The following SGMS1 variants were observed in gnomAD, a reference collection of about 807,000 sequenced individuals.
SGMS1 encodes phosphatidylcholine:ceramide cholinephosphotransferase 1.
A neutral mutation model predicts 46.2 loss-of-function variants in SGMS1; 13 were observed. The observed-to-expected ratio is 0.28, with a 90% CI of 0.18 to 0.45. The LOEUF (loss-of-function observed/expected upper bound fraction) is 0.45, where lower values mean the gene tolerates loss of function less well. Ranked by LOEUF, SGMS1 falls within the 20% of genes least tolerant of loss-of-function variation. The pLI is 1.00. For missense variants in SGMS1, 324 were observed against 519.9 expected (o/e 0.62, Z 3.66); for synonymous variants, 203 against 187.8 (o/e 1.08, Z -0.66).
intron 6 of SGMS1, among the ~76,000 whole-genome samples, chr10:50,350,494 T>C (rs757358777): frequency 6.6e-6 from 1 of 152,210 alleles, no homozygotes; most frequent in Non-Finnish European, 1.5e-5. Context: ...CTCCAGGGCA[T>C]GTCAGAAGTT....
intron 3 of SGMS1, among the ~76,000 whole-genome samples, chr10:50,517,042 T>C (rs1193882751): frequency 1.3e-5 from 2 of 152,154 alleles, no homozygotes; most frequent in Non-Finnish European, 2.9e-5. Flanking sequence ...AGCCCAGCTT[T>C]AAACCAAAGG....
intron 5 of SGMS1, among the ~76,000 whole-genome samples, chr10:50,443,015 A>C (rs933688785): frequency 2.6e-5 from 4 of 152,206 alleles, no homozygotes; most frequent in African/African-American, 9.6e-5. Context: ...TGGTTTCCTT[A>C]GTGTTCTATG....
chr10:50,327,118 A>C (rs1847544475), intron 8 of SGMS1, 87 bp downstream of exon 8: 4 of 763,132 alleles, frequency 5.2e-6, no homozygotes, highest in Admixed American at 4.2e-5. Flanking sequence ...TATTCTGAAG[A>C]AACGTTTTCC....
At chr10:50,621,853 A>G (rs897813922) in intron 1 of SGMS1, among the ~76,000 whole-genome samples, 2 of 152,252 alleles carry the variant, frequency 1.3e-5, no homozygotes, top group African/African-American at 4.8e-5. Flanking sequence ...AACTACTTAA[A>G]ACTGCATGGC....
At chr10:50,574,963 G>GTGTATATATATA (rs1554793448) in intron 2 of SGMS1, among the ~76,000 whole-genome samples, 6 of 99,862 alleles carry the variant, frequency 6.0e-5, no homozygotes, top group African/African-American at 1.2e-4. Flanking sequence ...AAAATGTGGT[G>GTGTATATATATA]TATATATATA....
At chr10:50,523,185 A>C (rs778020711) in intron 2 of SGMS1, among the ~76,000 whole-genome samples, 6 of 152,162 alleles carry the variant, frequency 3.9e-5, no homozygotes, top group Non-Finnish European at 7.4e-5. Flanking sequence ...TGTTTACCTT[A>C]GGAGGCAAGA....
At chr10:50,508,455 CTCTTGGTATGACAGTGAA>C (rs1306560832) in intron 3 of SGMS1, among the ~76,000 whole-genome samples, 1 of 152,174 alleles carries the variant, frequency 6.6e-6, no homozygotes, top group African/African-American at 2.4e-5. Flanking sequence ...GTTAACATCT[CTCTTGGTATGACAGTGAA>C]ATATCAAGTG....
chr10:50,445,892 AG>A (rs1240063347), intron 5 of SGMS1, among the ~76,000 whole-genome samples: 1 of 152,182 alleles, frequency 6.6e-6, no homozygotes, highest in African/African-American at 2.4e-5. Context: ...TTTCTCAGCA[AG>A]GAACACCCCT....
At position 50,562,727 on chromosome 10, in the gene SGMS1, C is replaced by A. The variant is rs373826061; in HGVS notation, c.-589+27426G>T. Among the ~76,000 whole-genome samples, 6 of 152,176 alleles carry A rather than the reference C, an allele frequency of 3.9e-5. No individual in the cohort carries two copies. The East Asian group carries it at 9.7e-4, about 25-fold the overall frequency. On this transcript the variant is annotated intron_variant, in intron 2 of 10. Transcript: ENST00000361781. The stretch of plus-strand genomic sequence containing the variant: ...CCCGGCTAATTTTTTTGTATTTTTA[C>A]TAGAGACGGGGTTTCACCATGTTAT...
At chr10:50,532,440 T>C (rs954398779) in intron 2 of SGMS1, among the ~76,000 whole-genome samples, 1 of 152,206 alleles carries the variant, frequency 6.6e-6, no homozygotes, top group African/African-American at 2.4e-5. Context: ...CATATCCATC[T>C]CAATTTTTAA....
intron 6 of SGMS1, among the ~76,000 whole-genome samples, chr10:50,412,923 A>G (rs1849121140): frequency 6.6e-6 from 1 of 152,232 alleles, no homozygotes; most frequent in Non-Finnish European, 1.5e-5. Context: ...CTACAAGGCC[A>G]AAGTGATATC....
At chr10:50,354,799 C>A (rs917629802) in intron 6 of SGMS1, among the ~76,000 whole-genome samples, 21 of 152,212 alleles carry the variant, frequency 1.4e-4, no homozygotes, top group Admixed American at 1.0e-3. Context: ...ACAGACACTT[C>A]TCAAAAGAAG....
At chr10:50,364,429 C>T (rs577985227) in intron 6 of SGMS1, among the ~76,000 whole-genome samples, 2 of 152,280 alleles carry the variant, frequency 1.3e-5, no homozygotes, top group South Asian at 4.1e-4. Flanking sequence ...CCAGCCCCAT[C>T]CTGCTTTTCA....
intron 5 of SGMS1, among the ~76,000 whole-genome samples, chr10:50,458,611 A>G (rs890802177): frequency 2.0e-5 from 3 of 151,980 alleles, no homozygotes; most frequent in Admixed American, 6.5e-5. Flanking sequence ...TGCCCGTCTC[A>G]GCCTCCCAAA....
At chr10:50,333,306 A>G (rs1847656781) in intron 7 of SGMS1, among the ~76,000 whole-genome samples, 1 of 152,130 alleles carries the variant, frequency 6.6e-6, no homozygotes, top group African/African-American at 2.4e-5. Flanking sequence ...CTAGAGCTTT[A>G]ATTCTTATTC....
At chr10:50,567,267 T>C (rs1838296971) in intron 2 of SGMS1, among the ~76,000 whole-genome samples, 1 of 152,152 alleles carries the variant, frequency 6.6e-6, no homozygotes, top group Non-Finnish European at 1.5e-5. Flanking sequence ...TTTATTGTGG[T>C]ATTGCTATCT....
chr10:50,365,301 T>C (rs992509988), intron 6 of SGMS1, among the ~76,000 whole-genome samples: 1 of 129,734 alleles, frequency 7.7e-6, no homozygotes, highest in African/African-American at 2.6e-5. Context: ...AAGTATGTTT[T>C]TGGTTTTTAA....
intron 2 of SGMS1, among the ~76,000 whole-genome samples, chr10:50,574,404 C>T (rs555841546): frequency 1.3e-5 from 2 of 152,272 alleles, no homozygotes; most frequent in Non-Finnish European, 2.9e-5. Flanking sequence ...CTCAACATCA[C>T]TAATCATCAG....
intron 6 of SGMS1, among the ~76,000 whole-genome samples, chr10:50,419,694 A>T (rs112792791): frequency 2.0e-5 from 3 of 152,242 alleles, no homozygotes; most frequent in African/African-American, 7.2e-5. Flanking sequence ...CTGAGGTCCC[A>T]TTAAGAAATG....
Sources: allele counts gnomAD v4.1 joint callset (sites outside exome capture counted in the v4.1 genomes callset), GRCh38; gene constraint gnomAD v4.1.1; transcripts MANE v1.5; gene names NCBI Gene and HGNC (gene_info 2026-07-23, HGNC 2026-07-21).